SBNO2: variants seen among roughly 807,000 people sequenced by gnomAD.
SBNO2 encodes the protein protein strawberry notch homolog 2.
Under a neutral mutation model 146.3 loss-of-function variants are expected in SBNO2, and 89 were observed. That is an observed-to-expected ratio of 0.61 (90% CI 0.51 to 0.73). The LOEUF (loss-of-function observed/expected upper bound fraction) is 0.73. SBNO2 is among the 30% of genes least tolerant of loss of function. The pLI is 0.00. For missense variants in SBNO2, 2,092 were observed against 2,003.7 expected (o/e 1.04, Z -0.84); for synonymous variants, 1,147 against 892.6 (o/e 1.29, Z -5.08).
Position 1,174,247 on chromosome 19 carries a change from T to G in SBNO2, c.-202A>C, listed in dbSNP as rs1468907949. On this transcript the variant is annotated 5_prime_UTR_variant, in exon 1 of 32. Transcript: ENST00000361757. The stretch of plus-strand genomic sequence containing the variant: ...AGCCTCGCAGCTGCCGCCGCTCACT[T>G]CCGGGTTTCGGGCGCCATCTTGGGG... 1 of 151,016 alleles carries G rather than the reference T, an allele frequency of 6.6e-6. No homozygotes were observed. Among genetic ancestry groups the G allele is most frequent in the African/African-American group, 2.4e-5 (1 of 40,978 alleles). The allele number at this position is 151,016 out of a possible 1,614,324, so 9.4% of individuals were successfully genotyped here. A position where few individuals can be genotyped will look rare whatever the true frequency, so the allele number is the denominator to read the frequency against.
intron 4 of SBNO2, chr19:1,131,945 G>A (rs1255609276): frequency 2.0e-6 from 1 of 506,146 alleles, no homozygotes; most frequent in East Asian, 3.5e-5. Context: ...GGGGCGGGGT[G>A]GGGATTTTTT....
intron 1 of SBNO2, among the ~76,000 whole-genome samples, chr19:1,160,616 G>A (rs908215777): frequency 3.9e-5 from 6 of 152,182 alleles, no homozygotes; most frequent in South Asian, 2.1e-4. Flanking sequence ...TGCAGCCTTC[G>A]CCTCCTGGGT....
In SBNO2 at chr19:1,150,025, G is replaced by T. The variant is rs559037123; in HGVS notation, c.94-583C>A. ...AGAAGCTGCACGGGGCTGGGGTGCGGGGAGCCTGCTTTGGGAAATGGTGAC... is the reference window on the plus strand; with the variant it reads ...AGAAGCTGCACGGGGCTGGGGTGCGTGGAGCCTGCTTTGGGAAATGGTGAC... On this transcript the variant is annotated intron_variant, in intron 2 of 31. Transcript: ENST00000361757. The surrounding 1 kb of genome is among the most constrained non-coding windows in gnomAD (Gnocchi z 6.2). Among the ~76,000 whole-genome samples the T allele has an allele frequency of 9.2e-5, 14 of 152,274 alleles. No individual in the cohort carries two copies. Among genetic ancestry groups the T allele is most frequent in the African/African-American group, 3.4e-4 (14 of 41,536 alleles).
At chr19:1,130,369 C>A (rs770464085) in intron 4 of SBNO2, among the ~76,000 whole-genome samples, 4 of 152,138 alleles carry the variant, frequency 2.6e-5, no homozygotes, top group Admixed American at 1.3e-4. Flanking sequence ...CAGGGGGGAG[C>A]TCACGTCTGC....
rs561266627 is a variant in SBNO2 at position 1,165,375 on chromosome 19, T to C, written c.-127+8797A>G. Among the ~76,000 whole-genome samples, 401 of 152,272 alleles carry C rather than the reference T, an allele frequency of 2.6e-3. 5 individuals are homozygous for C. Among genetic ancestry groups the C allele is most frequent in the African/African-American group, 9.2e-3 (383 of 41,550 alleles). On this transcript the variant is annotated intron_variant, in intron 1 of 31. Coordinates refer to ENST00000361757, the MANE Select transcript of SBNO2 (RefSeq NM_014963.3). The stretch of plus-strand genomic sequence containing the variant: ...CACAGGGCCAGGGGGACGTCGTGGC[T>C]GAGATGCGAGCAGGGTGCCGGGCAC...
In SBNO2 at chr19:1,108,536, C is replaced by T. The variant is rs1370873469; in HGVS notation, c.3785G>A (p.Ser1262Asn). ...CGGCGGGAAGGCCTCGGCCGGGGGGCTGTAGGTGAGGTCCAGCACCTCTCC... is the reference window on the plus strand; with the variant it reads ...CGGCGGGAAGGCCTCGGCCGGGGGGTTGTAGGTGAGGTCCAGCACCTCTCC... Reference protein sequence around the residue: ...GPGEVLDLTYSPPAEAFPPPP... With the variant: ...GPGEVLDLTYNPPAEAFPPPP... Residue 1262 changes from serine to asparagine, a missense_variant, in exon 32 of 32, where the codon AGC (serine) becomes AAC (asparagine). Physicochemically the swap from Ser to Asn is conservative, Grantham distance 46. Transcript: ENST00000361757. 6 of 1,217,998 alleles carry T rather than the reference C, an allele frequency of 4.9e-6. No homozygotes were observed. The highest frequency in any genetic ancestry group is 6.1e-6 in the Non-Finnish European group (6 of 977,380). 75.4% of individuals were successfully genotyped at this position (1,217,998 alleles called of 1,614,324 possible).
rs770334599 is a variant in SBNO2 at position 1,127,517 on chromosome 19, C to G, written c.441+87G>C. On this transcript the variant is annotated intron_variant, in intron 5 of 31. Coordinates refer to ENST00000361757, the MANE Select transcript of SBNO2 (RefSeq NM_014963.3). ...CCATTGGCACGCAGAGTGGGGGAGACTGAGACCTCACTGGACCGTGTGGGT... is the reference window on the plus strand; with the variant it reads ...CCATTGGCACGCAGAGTGGGGGAGAGTGAGACCTCACTGGACCGTGTGGGT... 23 of 1,292,464 alleles carry G rather than the reference C, an allele frequency of 1.8e-5. No homozygotes were observed. The South Asian group carries it at 2.8e-4, about 16-fold the overall frequency. The allele number at this position is 1,292,464 out of a possible 1,614,324, so 80.1% of individuals were successfully genotyped here. A position where few individuals can be genotyped will look rare whatever the true frequency, so the allele number is the denominator to read the frequency against.
In SBNO2 at chr19:1,140,077, A is replaced by G. The variant is rs985734025; in HGVS notation, c.279+7232T>C. 1.3e-5 allele frequency among the ~76,000 whole-genome samples: 2 copies of G among 152,128 alleles called. No individual in the cohort carries two copies. Among genetic ancestry groups the G allele is most frequent in the Non-Finnish European group, 2.9e-5 (2 of 68,016 alleles). On this transcript the variant is annotated intron_variant, in intron 4 of 31. Coordinates refer to ENST00000361757, the MANE Select transcript of SBNO2 (RefSeq NM_014963.3). This position sits in a 1 kb window ranked among gnomAD's most constrained non-coding sequence, Gnocchi z 4.4. The stretch of plus-strand genomic sequence containing the variant: ...TGCTTTGGGAGGCTGAGGTGGGTGG[A>G]TCACAAGGTCAGGAGATTGAGACCA...
intron 4 of SBNO2, 68 bp downstream of exon 4, chr19:1,147,241 G>A: frequency 9.3e-7 from 1 of 1,078,912 alleles, no homozygotes; most frequent in South Asian, 1.4e-5. Flanking sequence ...GAGGTCGCAG[G>A]GCAGCTGGAG....
In SBNO2 at chr19:1,119,955, G is replaced by A; in HGVS notation, c.1218C>T (p.Asp406=). The A allele has an allele frequency of 6.4e-7, 1 of 1,550,796 alleles. No individual in the cohort carries two copies. The highest frequency in any genetic ancestry group is 8.7e-7 in the Non-Finnish European group (1 of 1,147,240). Residue 406 remains aspartate (D), a synonymous_variant, in exon 12 of 32, where the codon GAC becomes GAT. Transcript: ENST00000361757. The stretch of plus-strand genomic sequence containing the variant: ...GGGCCAGGGGCAGCTTGTTCTGCAG[G>A]TCTAGCACAGCCTTGCCCATCTTGG... ...GSTKMGKAVL[D]LQNKLPLARV...
intron 1 of SBNO2, chr19:1,168,621 C>G (rs964850249): frequency 1.3e-5 from 2 of 152,270 alleles, no homozygotes; most frequent in African/African-American, 4.8e-5. Flanking sequence ...GCGACCCATT[C>G]CACCCGGCCC....
chr19:1,123,870 G>T, intron 6 of SBNO2, 72 bp downstream of exon 6: 1 of 1,454,128 alleles, frequency 6.9e-7, no homozygotes, highest in Non-Finnish European at 9.4e-7. Context: ...CAATGGAGAT[G>T]CCTGTGCTGA....
At chr19:1,120,347 G>A (rs567745176) in intron 11 of SBNO2, among the ~76,000 whole-genome samples, 2 of 152,270 alleles carry the variant, frequency 1.3e-5, no homozygotes, top group Admixed American at 6.5e-5. Flanking sequence ...ATCGGAGGAG[G>A]ATACCTGGAA....
intron 5 of SBNO2, among the ~76,000 whole-genome samples, chr19:1,125,966 C>T (rs1050210231): frequency 2.6e-5 from 4 of 152,218 alleles, no homozygotes; most frequent in African/African-American, 9.6e-5. Context: ...CACACTCCAG[C>T]CTGGGCGACA....
rs1180302694 is a variant in SBNO2 at position 1,120,028 on chromosome 19, G to C, written c.1150-5C>G. On this transcript the variant is annotated splice_polypyrimidine_tract_variant and splice_region_variant and intron_variant, in intron 11 of 31. Transcript: ENST00000361757. ...GTGACACTCGTCGAACACGATCTGA[G>C]GCACACGTGGGTTAAGGAGTATTCT... is the stretch of plus-strand genomic sequence containing the variant. 4 of 1,549,596 alleles carry C rather than the reference G, an allele frequency of 2.6e-6. No homozygotes were observed. The highest frequency in any genetic ancestry group is 3.5e-6 in the Non-Finnish European group (4 of 1,146,102).
intron 4 of SBNO2, among the ~76,000 whole-genome samples, chr19:1,133,400 C>A (rs2080053611): frequency 6.6e-6 from 1 of 152,150 alleles, no homozygotes; most frequent in South Asian, 2.1e-4. Context: ...CCCGCCAGGG[C>A]TCTGAGGGGA....
In SBNO2 at chr19:1,110,787, C is replaced by G. The variant is rs1209120567; in HGVS notation, c.2986G>C (p.Glu996Gln). ...TATTTGCCCTCCCGCTTGTCCATCT[C>G]GATGAGGTGGTCGAAGGTGTCTGAG... ...YFSDTFDHLI[E>Q]MDKREGKYDM... The change falls in exon 26 of 32, where the codon GAG becomes CAG. Residue 996 changes from glutamate to glutamine, a missense_variant. By Grantham distance (29) the Glu-to-Gln change is conservative. Transcript: ENST00000361757. The surrounding 1 kb of genome is among the most constrained non-coding windows in gnomAD (Gnocchi z 4.9). The G allele has an allele frequency of 1.9e-6, 3 of 1,613,682 alleles. No individual in the cohort carries two copies. The highest frequency in any genetic ancestry group is 1.7e-6 in the Non-Finnish European group (2 of 1,179,768).
intron 1 of SBNO2, among the ~76,000 whole-genome samples, chr19:1,164,503 CAGGAGG>C (rs1173808617): frequency 1.5e-4 from 2 of 12,936 alleles, no homozygotes; most frequent in Admixed American, 9.6e-4. Context: ...GCAGTGGAGA[CAGGAGG>C]AGGAGGAGGA....
In SBNO2 at chr19:1,154,357, T is replaced by C; in HGVS notation, c.-81A>G. The C allele has an allele frequency of 5.5e-6, 4 of 729,406 alleles. No homozygotes were observed. Among genetic ancestry groups the C allele is most frequent in the Non-Finnish European group, 7.6e-6 (4 of 528,458 alleles). 45.2% of individuals were successfully genotyped at this position (729,406 alleles called of 1,614,324 possible). ...ACCCGGGGCCGCCGGGGCGTCTATCTGGGCTTCTCGCTCCGTGGTGGCGGC... is the reference window on the plus strand; with the variant it reads ...ACCCGGGGCCGCCGGGGCGTCTATCCGGGCTTCTCGCTCCGTGGTGGCGGC... On this transcript the variant is annotated 5_prime_UTR_variant, in exon 2 of 32. Transcript: ENST00000361757.
Sources: gnomAD v4.1 joint callset for allele counts (sites outside exome capture counted in the v4.1 genomes callset) on GRCh38, gnomAD v4.1.1 for gene constraint, Gnocchi (gnomAD v3.1) non-coding constraint, MANE v1.5 for transcripts, NCBI Gene and HGNC (gene_info 2026-07-23, HGNC 2026-07-21) for gene names.